The following RASSF2 variants were observed in gnomAD, a reference collection of about 807,000 sequenced individuals.
The protein encoded by RASSF2 is ras association domain-containing protein 2.
RASSF2 carries 34 observed loss-of-function variants against 46.3 expected under a neutral mutation model. The observed-to-expected ratio is 0.73, with a 90% confidence interval of 0.56 to 0.98. The LOEUF is 0.98. RASSF2 is among the 50% of genes least tolerant of loss of function. The pLI is 0.00. For missense variants in RASSF2, 364 were observed against 431.2 expected, an observed-to-expected ratio of 0.84 and a Z score of 1.38; for synonymous variants, 158 against 162.5, an observed-to-expected ratio of 0.97 and a Z score of 0.21.
At position 4,782,665 on chromosome 20, in the gene RASSF2, G is replaced by A. The variant is rs6116509; in HGVS notation, c.*1608C>T. Reference sequence around the variant, plus strand: ...CATAGGTATGAATCGGGGGCAGGAGGGTGCCCAGGGCAGAAACGTCTCCAC... The same window carrying A: ...CATAGGTATGAATCGGGGGCAGGAGAGTGCCCAGGGCAGAAACGTCTCCAC... On this transcript the variant is annotated 3_prime_UTR_variant, in exon 12 of 12. Coordinates refer to ENST00000379400, the MANE Select transcript of RASSF2 (RefSeq NM_014737.3). 15,416 of 152,434 alleles carry A rather than the reference G, an allele frequency of 0.1. 808 individuals carry two copies. The highest frequency in any genetic ancestry group is 0.19 in the East Asian group (983 of 5,184). 9.4% of individuals were successfully genotyped at this position (152,434 alleles called of 1,614,324 possible).
At chr20:4,789,205 A>G (rs1925639119) in intron 8 of RASSF2, among the ~76,000 whole-genome samples, 1 of 152,178 alleles carries the variant, frequency 6.6e-6, no homozygotes, top group South Asian at 2.1e-4. Context: ...CCAGAAGTCA[A>G]TCTTCGCACT....
intron 2 of RASSF2, among the ~76,000 whole-genome samples, chr20:4,808,937 G>A (rs1434985580): frequency 6.6e-6 from 1 of 152,168 alleles, no homozygotes; most frequent in Non-Finnish European, 1.5e-5. Flanking sequence ...TATATTGAAT[G>A]TCTACTAACC....
intron 2 of RASSF2, among the ~76,000 whole-genome samples, chr20:4,821,707 G>T (rs1295876482): frequency 6.6e-6 from 1 of 152,148 alleles, no homozygotes; most frequent in African/African-American, 2.4e-5. Context: ...ACGTGCCCAG[G>T]CAGGCTGCAC....
chr20:4,785,747 T>C (rs75468486), intron 11 of RASSF2, among the ~76,000 whole-genome samples: 19,649 of 151,934 alleles, frequency 0.13, 1,280 homozygotes, highest in East Asian at 0.19. Context: ...CAAGGGGTGG[T>C]AACACTAGCC....
intron 9 of RASSF2, 81 bp from the exon 10 acceptor site, chr20:4,787,835 C>A (rs866008638): frequency 1.5e-5 from 23 of 1,580,118 alleles, no homozygotes; most frequent in Middle Eastern, 1.7e-4. Flanking sequence ...TCCAAAGGCA[C>A]CTTAGGAGAT....
chr20:4,787,183 G>A (rs1044341991), intron 10 of RASSF2, among the ~76,000 whole-genome samples: 2 of 152,172 alleles, frequency 1.3e-5, no homozygotes, highest in African/African-American at 4.8e-5. Context: ...TTGTCCATGT[G>A]ACTGGCTTTG....
intron 6 of RASSF2, among the ~76,000 whole-genome samples, chr20:4,791,010 A>T (rs1925831021): frequency 6.6e-6 from 1 of 152,238 alleles, no homozygotes; most frequent in African/African-American, 2.4e-5. Context: ...TATAAGAGCT[A>T]ACAAGATACT....
At chr20:4,788,034 T>C (rs186694268) in intron 9 of RASSF2, among the ~76,000 whole-genome samples, 183 bp downstream of exon 9, 1 of 152,248 alleles carries the variant, frequency 6.6e-6, no homozygotes, top group Non-Finnish European at 1.5e-5. Context: ...TTAGAATTTG[T>C]TTACTGGCCA....
chr20:4,780,350 C>A lies in RASSF2; in HGVS notation c.*3923G>T, dbSNP rs1008151503. ...CTCCAAAGGTAAACTGAGGGTTTCC[C>A]ACCACAGCTTGTGCATCTTGTGCTC... On this transcript the variant is annotated 3_prime_UTR_variant, in exon 12 of 12. Transcript: ENST00000379400. 6.6e-6 allele frequency: 1 copy of A among 152,182 alleles called. No homozygotes were observed. The highest frequency in any genetic ancestry group is 1.5e-5 in the Non-Finnish European group (1 of 68,036). 9.4% of individuals were successfully genotyped at this position (152,182 alleles called of 1,614,324 possible). A position where few individuals can be genotyped will look rare whatever the true frequency, so the allele number is the denominator to read the frequency against.
intron 5 of RASSF2, among the ~76,000 whole-genome samples, chr20:4,794,699 A>C (rs1926192219): frequency 6.6e-6 from 1 of 152,184 alleles, no homozygotes. Context: ...ACAGAGTGAG[A>C]CCTTGTCTCA....
In RASSF2 at chr20:4,790,926, A is replaced by G. The variant is rs1925820987; in HGVS notation, c.377-315T>C. ...GGGATAATAATAACACCCACCTCAG[A>G]GGGTTGCTGAGGGTTTAAATGAGTT... On this transcript the variant is annotated intron_variant, in intron 6 of 11. Transcript: ENST00000379400. The surrounding 1 kb of genome is among the most constrained non-coding windows in gnomAD (Gnocchi z 4.3). Among the ~76,000 whole-genome samples, 2 of 152,104 alleles carry G rather than the reference A, an allele frequency of 1.3e-5. No individual in the cohort carries two copies. The highest frequency in any genetic ancestry group is 1.3e-4 in the Admixed American group (2 of 15,264).
In RASSF2 at chr20:4,798,026, T is replaced by C. The variant is rs925167112; in HGVS notation, c.119A>G (p.Gln40Arg). The change falls in exon 4 of 12, where the codon CAG (glutamine) becomes CGG (arginine). Residue 40 changes from glutamine to arginine, a missense_variant. Coordinates refer to ENST00000379400, the MANE Select transcript of RASSF2 (RefSeq NM_014737.3). ...ACTCCTTACCTCCCGGTGCCGGAGCTGTAAATTCTGGCCTTCATAGTACAA... is the reference window on the plus strand; with the variant it reads ...ACTCCTTACCTCCCGGTGCCGGAGCCGTAAATTCTGGCCTTCATAGTACAA... ...YNLYYEGQNL[Q>R]LRHREEEDEF... The C allele has an allele frequency of 6.2e-7, 1 of 1,613,966 alleles. No individual in the cohort carries two copies.
At chr20:4,804,023 A>G (rs372114209) in intron 2 of RASSF2, among the ~76,000 whole-genome samples, 1 of 152,194 alleles carries the variant, frequency 6.6e-6, no homozygotes, top group African/African-American at 2.4e-5. Context: ...ACGCCACTGC[A>G]CTCTAGCCTG....
rs1388575723 is a variant in RASSF2 at position 4,789,591 on chromosome 20, C to T, written c.639+5G>A. ...ATCTGTGGCCACTCAGCAAAGGGAA[C>T]TTGCCTTAAATTTGTTGAGCAGCAG... On this transcript the variant is annotated splice_donor_5th_base_variant and intron_variant, in intron 8 of 11. Transcript: ENST00000379400. 12 of 1,613,330 alleles carry T rather than the reference C, an allele frequency of 7.4e-6. No homozygotes were observed. The highest frequency in any genetic ancestry group is 1.0e-5 in the Non-Finnish European group (12 of 1,179,378).
intron 2 of RASSF2, among the ~76,000 whole-genome samples, chr20:4,817,685 GA>G (rs1240427641): frequency 1.3e-5 from 2 of 152,258 alleles, no homozygotes; most frequent in African/African-American, 4.8e-5. Context: ...GTCCTGAGGT[GA>G]CACTGATATA....
chr20:4,801,645 A>G (rs1397177150), intron 2 of RASSF2, among the ~76,000 whole-genome samples: 6 of 152,218 alleles, frequency 3.9e-5, no homozygotes. Flanking sequence ...ATATACATAC[A>G]CACATTTACA....
intron 2 of RASSF2, among the ~76,000 whole-genome samples, chr20:4,808,566 A>T (rs1432013476): frequency 6.7e-6 from 1 of 149,484 alleles, no homozygotes; most frequent in African/African-American, 2.5e-5. Context: ...AGGTCACTGC[A>T]GCCTTGACCT....
chr20:4,819,545 T>G (rs904710026), intron 2 of RASSF2, among the ~76,000 whole-genome samples: 1 of 152,182 alleles, frequency 6.6e-6, no homozygotes, highest in Non-Finnish European at 1.5e-5. Context: ...CTGGAGTATT[T>G]GCACACCTTC....
rs548631676 is a variant in RASSF2, at chr20:4,812,809, C to T, written c.-33+9520G>A. Among the ~76,000 whole-genome samples, 5 of 152,284 alleles carry T rather than the reference C, an allele frequency of 3.3e-5. No homozygotes were observed. The highest frequency in any genetic ancestry group is 7.4e-5 in the Non-Finnish European group (5 of 68,020). On this transcript the variant is annotated intron_variant, in intron 2 of 11. Transcript: ENST00000379400. This position sits in a 1 kb window ranked among gnomAD's most constrained non-coding sequence, Gnocchi z 4.0. ...GGTGGCTTGTCCCAGGTGGCACAGC[C>T]GACATGCAGCCCAGTGCTCCTGTGG...
Sources: allele counts gnomAD v4.1 joint callset (sites outside exome capture counted in the v4.1 genomes callset), GRCh38; gene constraint gnomAD v4.1.1; non-coding constraint Gnocchi (gnomAD v3.1); transcripts MANE v1.5; gene names NCBI Gene and HGNC (gene_info 2026-07-23, HGNC 2026-07-21).